RBFOX1: variants seen among roughly 807,000 people sequenced by gnomAD.
RBFOX1 encodes RNA binding protein fox-1 homolog 1.
A neutral mutation model predicts 57.7 loss-of-function variants in RBFOX1; 8 were observed. The observed-to-expected ratio is 0.14, with a 90% CI of 0.08 to 0.25. The LOEUF (loss-of-function observed/expected upper bound fraction) is 0.25. Ranked by LOEUF, RBFOX1 falls within the 10% of genes least tolerant of loss-of-function variation. The pLI is 1.00. For synonymous variants in RBFOX1, 326 were observed against 222.4 expected (o/e 1.47, Z -4.15); for missense variants, 611 against 548.5 (o/e 1.11, Z -1.14).
chr16:6,281,982 C>T (rs112034092), intron 1 of RBFOX1, among the ~76,000 whole-genome samples: 12 of 151,942 alleles, frequency 7.9e-5, no homozygotes, highest in Admixed American at 1.3e-4. Context: ...AACGGGTGAG[C>T]GTTTGTTATT....
chr16:7,518,459 G>A (rs1274481581), intron 5 of RBFOX1, 70 bp downstream of exon 5: 2 of 1,531,044 alleles, frequency 1.3e-6, no homozygotes, highest in Admixed American at 1.9e-5. Context: ...ATGGCAGCGG[G>A]GGTGCACCCC....
chr16:5,786,695 T>G (rs976773550), intron 3 of RBFOX1, among the ~76,000 whole-genome samples: 2 of 152,194 alleles, frequency 1.3e-5, no homozygotes, highest in African/African-American at 4.8e-5. Context: ...AGTGCCTCTT[T>G]CCTGCTTTCA....
intron 2 of RBFOX1, among the ~76,000 whole-genome samples, chr16:6,347,127 A>T (rs1190029852): frequency 3.3e-5 from 5 of 152,198 alleles, no homozygotes; most frequent in Non-Finnish European, 7.3e-5. Context: ...TTCAAGAGTA[A>T]GTGGGTCTCT....
At chr16:6,911,959 G>T (rs1394561696) in intron 3 of RBFOX1, among the ~76,000 whole-genome samples, 2 of 152,152 alleles carry the variant, frequency 1.3e-5, no homozygotes, top group Admixed American at 6.5e-5. Context: ...CCAATCCTTT[G>T]AGGCTTGGGA....
At chr16:6,386,489 T>C (rs908991261) in intron 2 of RBFOX1, among the ~76,000 whole-genome samples, 3 of 152,212 alleles carry the variant, frequency 2.0e-5, no homozygotes, top group African/African-American at 7.2e-5. Flanking sequence ...ACCCCGATGC[T>C]GGGGATACAC....
chr16:7,517,042 T>A (rs2076505007), intron 4 of RBFOX1, among the ~76,000 whole-genome samples: 1 of 152,064 alleles, frequency 6.6e-6, no homozygotes, highest in South Asian at 2.1e-4. Flanking sequence ...TGTGCCTAAT[T>A]GCTAAGTTTT....
At chr16:7,669,289 T>C (rs986835324) in intron 13 of RBFOX1, among the ~76,000 whole-genome samples, 6 of 152,150 alleles carry the variant, frequency 3.9e-5, no homozygotes, top group African/African-American at 1.4e-4. Context: ...CATCTGTTGG[T>C]TGACCTTCTC....
intron 3 of RBFOX1, among the ~76,000 whole-genome samples, chr16:6,692,779 A>T (rs115311966): frequency 0.01 from 1,569 of 152,226 alleles, 26 homozygotes; most frequent in African/African-American, 0.036. Context: ...CAACATCATC[A>T]TCATGATCAT....
chr16:6,707,040 G>T (rs1014177097), intron 3 of RBFOX1, among the ~76,000 whole-genome samples: 3 of 152,150 alleles, frequency 2.0e-5, no homozygotes. Flanking sequence ...TGATCCATCA[G>T]CCGAGGGATA....
chr16:5,825,884 TGAA>T, intron 3 of RBFOX1, among the ~76,000 whole-genome samples: 1 of 95,622 alleles, frequency 1.0e-5, no homozygotes, highest in African/African-American at 3.9e-5. Flanking sequence ...TTCCGTAATA[TGAA>T]TAAGGAATAA....
intron 3 of RBFOX1, among the ~76,000 whole-genome samples, chr16:7,030,905 A>G (rs1435615164): frequency 6.6e-6 from 1 of 152,204 alleles, no homozygotes; most frequent in Non-Finnish European, 1.5e-5. Flanking sequence ...AATCCTTGTC[A>G]TTTGACAAAG....
intron 1 of RBFOX1, among the ~76,000 whole-genome samples, chr16:5,464,239 T>C (rs1370806830): frequency 6.6e-6 from 1 of 152,124 alleles, no homozygotes. Context: ...AGTCTGGTGC[T>C]CAGGAGAGCA....
chr16:6,880,107 C>A (rs558286819), intron 3 of RBFOX1, among the ~76,000 whole-genome samples: 1 of 152,170 alleles, frequency 6.6e-6, no homozygotes, highest in South Asian at 2.1e-4. Context: ...GTCCCCTGAC[C>A]TTTCGAGTTA....
chr16:6,054,318 A>G (rs1257623177), intron 1 of RBFOX1, among the ~76,000 whole-genome samples: 1 of 152,206 alleles, frequency 6.6e-6, no homozygotes, highest in Admixed American at 6.5e-5. Flanking sequence ...AGTTCAACAT[A>G]AATAATATAT....
chr16:6,240,240 C>G (rs917642506), intron 1 of RBFOX1, among the ~76,000 whole-genome samples: 6 of 152,168 alleles, frequency 3.9e-5, no homozygotes, highest in Non-Finnish European at 8.8e-5. Context: ...AACATCTTTT[C>G]TTCATAAATT....
chr16:7,220,903 C>G (rs2092680064), intron 4 of RBFOX1, among the ~76,000 whole-genome samples: 2 of 152,064 alleles, frequency 1.3e-5, no homozygotes, highest in Admixed American at 6.5e-5. Context: ...TGGGACTGCT[C>G]TATGGAATGG....
chr16:5,332,631 C>G (rs1013985807), intron 1 of RBFOX1, among the ~76,000 whole-genome samples: 3 of 150,850 alleles, frequency 2.0e-5, no homozygotes, highest in African/African-American at 7.3e-5. Flanking sequence ...AATTACATAT[C>G]GTATATTTAT....
chr16:5,696,811 A>G (rs1435563167), intron 3 of RBFOX1, among the ~76,000 whole-genome samples: 3 of 152,122 alleles, frequency 2.0e-5, no homozygotes, highest in Admixed American at 6.5e-5. Context: ...GCATCTTTAT[A>G]TATTTGATTT....
intron 2 of RBFOX1, among the ~76,000 whole-genome samples, chr16:6,551,057 A>C (rs1270516195): frequency 6.6e-6 from 1 of 152,194 alleles, no homozygotes. Flanking sequence ...TGGGGGCCCC[A>C]GGAATTTTGC....
Sources: gnomAD v4.1 joint callset for allele counts (sites outside exome capture counted in the v4.1 genomes callset) on GRCh38, gnomAD v4.1.1 for gene constraint, MANE v1.5 for transcripts, NCBI Gene and HGNC (gene_info 2026-07-23, HGNC 2026-07-21) for gene names.